CCDC177: variants seen among roughly 807,000 people sequenced by gnomAD.
CCDC177 encodes coiled-coil domain containing 177, also known as coiled-coil domain-containing protein 177.
CCDC177 carries 2 observed loss-of-function variants against 7.3 expected under a neutral mutation model. The ratio of observed to expected loss-of-function variants is 0.28; its 90% CI spans 0.11 to 0.87. CCDC177 has a LOEUF of 0.87. CCDC177 is among the 40% of genes least tolerant of loss of function. The pLI, the probability that CCDC177 is intolerant of heterozygous loss-of-function variation, is 0.61. For missense variants in CCDC177, 874 were observed against 970.5 expected, an observed-to-expected ratio of 0.90 and a Z score of 1.32; for synonymous variants, 401 against 449.2, an observed-to-expected ratio of 0.89 and a Z score of 1.36.
At position 69,573,007 on chromosome 14, in the gene CCDC177, G is replaced by C. The variant is rs1211782602; in HGVS notation, c.616C>G (p.Arg206Gly). ...GAGGAGGGACTAGGGGAAGCCTTGC[G>C]GGCCGCACGCGGCGCGGGCGAGGCC... ...LPASPAPRAA[R>G]KASPSPSSAR... is the part of the protein sequence containing the mutation. Residue 206 changes from arginine to glycine, a missense_variant, in exon 2 of 2, where the codon CGC becomes GGC. By Grantham distance (125) the Arg-to-Gly change is moderately radical. Coordinates refer to ENST00000599174, the MANE Select transcript of CCDC177 (RefSeq NM_001271507.2). The C allele has an allele frequency of 5.7e-6, 7 of 1,230,276 alleles. No individual in the cohort carries two copies. Among genetic ancestry groups the C allele is most frequent in the Non-Finnish European group, 7.1e-6 (7 of 987,326 alleles). 76.2% of individuals were successfully genotyped at this position (1,230,276 alleles called of 1,614,324 possible). A position where few individuals can be genotyped will look rare whatever the true frequency, so the allele number is the denominator to read the frequency against.
Position 69,570,712 on chromosome 14 carries a change from C to A in CCDC177, c.*787G>T, listed in dbSNP as rs968510585. ...GCTTAATGGAATGGAACACTGCTCCCAAAGGAATCCAGCCCCTCCAGGGGC... is the reference window on the plus strand; with the variant it reads ...GCTTAATGGAATGGAACACTGCTCCAAAAGGAATCCAGCCCCTCCAGGGGC... On this transcript the variant is annotated 3_prime_UTR_variant, in exon 2 of 2. Transcript: ENST00000599174. The A allele has an allele frequency of 2.4e-6, 1 of 417,860 alleles. No homozygotes were observed. The highest frequency in any genetic ancestry group is 4.7e-6 in the Non-Finnish European group (1 of 211,740). The allele number at this position is 417,860 out of a possible 1,614,324, so 25.9% of individuals were successfully genotyped here. A position where few individuals can be genotyped will look rare whatever the true frequency, so the allele number is the denominator to read the frequency against.
In CCDC177 at chr14:69,572,671, C is replaced by G. The variant is rs1301605621; in HGVS notation, c.952G>C (p.Val318Leu). 1.6e-6 allele frequency: 2 copies of G among 1,231,248 alleles called. No homozygotes were observed. Among genetic ancestry groups the G allele is most frequent in the Non-Finnish European group, 2.0e-6 (2 of 987,678 alleles). The allele number at this position is 1,231,248 out of a possible 1,614,324, so 76.3% of individuals were successfully genotyped here. A position where few individuals can be genotyped will look rare whatever the true frequency, so the allele number is the denominator to read the frequency against. ...LSHSPQTAQH[V>L]ERIVRQVRAE... ...CGCACTTGACGCACGATGCGCTCCA[C>G]GTGCTGAGCGGTCTGCGGCGAATGG... is the stretch of plus-strand genomic sequence containing the variant. The change falls in exon 2 of 2, where the codon GTG (valine) becomes CTG (leucine). Residue 318 changes from valine (V) to leucine (L), a missense_variant. By Grantham distance (32) the Val-to-Leu change is conservative. Coordinates refer to ENST00000599174, the MANE Select transcript of CCDC177 (RefSeq NM_001271507.2).
rs778579275 is a variant in CCDC177, at chr14:69,571,040, A to C, written c.*459T>G. The C allele has an allele frequency of 2.1e-5, 10 of 465,612 alleles. No homozygotes were observed. The highest frequency in any genetic ancestry group is 3.9e-5 in the Non-Finnish European group (9 of 232,884). The allele number at this position is 465,612 out of a possible 1,614,324, so 28.8% of individuals were successfully genotyped here. On this transcript the variant is annotated 3_prime_UTR_variant, in exon 2 of 2. Coordinates refer to ENST00000599174, the MANE Select transcript of CCDC177 (RefSeq NM_001271507.2). ...ATTTGTGCAGCTTGCCATATTTTGA[A>C]AGATGGAGGTGAGCCAGGGTGATGT...
chr14:69,571,942 G>A lies in CCDC177; in HGVS notation c.1681C>T (p.Arg561Trp), dbSNP rs949436516. 2 of 1,232,220 alleles carry A rather than the reference G, an allele frequency of 1.6e-6. No homozygotes were observed. Among genetic ancestry groups the A allele is most frequent in the African/African-American group, 1.5e-5 (1 of 64,518 alleles). 76.3% of individuals were successfully genotyped at this position (1,232,220 alleles called of 1,614,324 possible). A position where few individuals can be genotyped will look rare whatever the true frequency, so the allele number is the denominator to read the frequency against. The change falls in exon 2 of 2, where the codon CGG (arginine) becomes TGG (tryptophan). Residue 561 changes from arginine (R) to tryptophan (W), a missense_variant. Physicochemically the swap from Arg to Trp is moderately radical, Grantham distance 101 (BLOSUM62 -3). Coordinates refer to ENST00000599174, the MANE Select transcript of CCDC177 (RefSeq NM_001271507.2). ...CGCCGACCCTGCAGCTCCTCTCGCC[G>A]GGCCCGCTCCCGCAGCTCCCGGGTG... ...QRTRELRERA[R>W]REELQGRRAK...
At position 69,572,206 on chromosome 14, in the gene CCDC177, C is replaced by G; in HGVS notation, c.1417G>C (p.Glu473Gln). Reference sequence around the variant, plus strand: ...TCCCTGCGGATCTGCTCAGCCCGCTCCCGCCCTTCCTGTAGACCTTCCTCA... The same window carrying G: ...TCCCTGCGGATCTGCTCAGCCCGCTGCCGCCCTTCCTGTAGACCTTCCTCA... ...QREEGLQEGRERAEQIRRERA... is the reference protein window; with the variant it reads ...QREEGLQEGRQRAEQIRRERA... Residue 473 changes from glutamate (E) to glutamine (Q), a missense_variant, in exon 2 of 2, where the codon GAG (glutamate) becomes CAG (glutamine). Coordinates refer to ENST00000599174, the MANE Select transcript of CCDC177 (RefSeq NM_001271507.2). The G allele has an allele frequency of 8.9e-6, 11 of 1,229,916 alleles. No individual in the cohort carries two copies. The highest frequency in any genetic ancestry group is 1.1e-5 in the Non-Finnish European group (11 of 986,778). 76.2% of individuals were successfully genotyped at this position (1,229,916 alleles called of 1,614,324 possible). A position where few individuals can be genotyped will look rare whatever the true frequency, so the allele number is the denominator to read the frequency against.
At position 69,571,964 on chromosome 14, in the gene CCDC177, G is replaced by C. The variant is rs1432339646; in HGVS notation, c.1659C>G (p.Thr553=). ...ENYEHLVEQR[T]RELRERARRE... ...GCCGGGCCCGCTCCCGCAGCTCCCG[G>C]GTGCGCTGCTCCACCAAATGCTCGT... The change falls in exon 2 of 2, where the codon ACC becomes ACG. Residue 553 remains threonine (T), a synonymous_variant. Transcript: ENST00000599174. 8.1e-7 allele frequency: 1 copy of C among 1,231,492 alleles called. No homozygotes were observed. Among genetic ancestry groups the C allele is most frequent in the African/African-American group, 1.6e-5 (1 of 64,240 alleles). 76.3% of individuals were successfully genotyped at this position (1,231,492 alleles called of 1,614,324 possible).
rs1015879601 is a variant in CCDC177 at position 69,572,768 on chromosome 14, G to A, written c.855C>T (p.Asn285=). 7 of 1,230,328 alleles carry A rather than the reference G, an allele frequency of 5.7e-6. No individual in the cohort carries two copies. The African/African-American group carries it at 7.8e-5, about 14-fold the overall frequency. 76.2% of individuals were successfully genotyped at this position (1,230,328 alleles called of 1,614,324 possible). The part of the protein sequence containing the change: ...CPAGSASSTT[N]APGRPSALTL... Reference sequence around the variant, plus strand: ...TCAGGGCAGACGGGCGGCCCGGAGCGTTGGTGGTGGAGGACGCCGACCCCG... The same window carrying A: ...TCAGGGCAGACGGGCGGCCCGGAGCATTGGTGGTGGAGGACGCCGACCCCG... Residue 285 remains asparagine (N), a synonymous_variant, in exon 2 of 2, where the codon AAC becomes AAT. Transcript: ENST00000599174.
In CCDC177 at chr14:69,571,084, A is replaced by G; in HGVS notation, c.*415T>C. ...GTGATGTTCCCTCAGCAGTAGCAAC[A>G]CTGTCTCAGACACCAATGTCGAACA... On this transcript the variant is annotated 3_prime_UTR_variant, in exon 2 of 2. Coordinates refer to ENST00000599174, the MANE Select transcript of CCDC177 (RefSeq NM_001271507.2). The G allele has an allele frequency of 2.1e-6, 1 of 471,890 alleles. No individual in the cohort carries two copies. Among genetic ancestry groups the G allele is most frequent in the Non-Finnish European group, 4.2e-6 (1 of 238,086 alleles). 29.2% of individuals were successfully genotyped at this position (471,890 alleles called of 1,614,324 possible).
chr14:69,572,487 C>A lies in CCDC177; in HGVS notation c.1136G>T (p.Arg379Leu). ...QRVHAKQRRE[R>L]EEREKQRALE... Reference sequence around the variant, plus strand: ...GGCGCGCTGCTTCTCCCGCTCCTCGCGCTCCCGCCGCTGCTTGGCGTGCAC... The same window carrying A: ...GGCGCGCTGCTTCTCCCGCTCCTCGAGCTCCCGCCGCTGCTTGGCGTGCAC... The change falls in exon 2 of 2, where the codon CGC (arginine) becomes CTC (leucine). Residue 379 changes from arginine to leucine, a missense_variant. Arg to Leu is a moderately radical substitution (Grantham distance 102). Transcript: ENST00000599174. The A allele has an allele frequency of 8.1e-7, 1 of 1,230,738 alleles. No homozygotes were observed. The highest frequency in any genetic ancestry group is 4.1e-5 in the South Asian group (1 of 24,316). The allele number at this position is 1,230,738 out of a possible 1,614,324, so 76.2% of individuals were successfully genotyped here.
intron 1 of CCDC177, among the ~76,000 whole-genome samples, chr14:69,574,007 G>A (rs1884388130): frequency 6.6e-6 from 1 of 152,220 alleles, no homozygotes; most frequent in African/African-American, 2.4e-5. Context: ...GGAGGCGCTG[G>A]AGGATTCCCG....
chr14:69,574,358 G>A (rs879601077), intron 1 of CCDC177, among the ~76,000 whole-genome samples, 184 bp downstream of exon 1: 1 of 152,166 alleles, frequency 6.6e-6, no homozygotes, highest in Non-Finnish European at 1.5e-5. Flanking sequence ...ACTCTCAGAC[G>A]CACCGGATCT....
Position 69,573,046 on chromosome 14 carries a change from T to TGCTGCA in CCDC177, c.571_576dup (p.Cys191_Ser192dup), listed in dbSNP as rs1884366958. On this transcript the variant is annotated inframe_insertion, in exon 2 of 2. Coordinates refer to ENST00000599174, the MANE Select transcript of CCDC177 (RefSeq NM_001271507.2). ...GCGGGCGAGGCCGGGAGGCTGGCGC[T>TGCTGCA]GCTGCAGCTGCTGCTGCTGCCCGCG... 8.2e-7 allele frequency: 1 copy of TGCTGCA among 1,223,464 alleles called. No homozygotes were observed. Among genetic ancestry groups the TGCTGCA allele is most frequent in the Admixed American group, 4.3e-5 (1 of 23,084 alleles). The allele number at this position is 1,223,464 out of a possible 1,614,324, so 75.8% of individuals were successfully genotyped here.
At position 69,573,175 on chromosome 14, in the gene CCDC177, C is replaced by A. The variant is rs1053045682; in HGVS notation, c.448G>T (p.Ala150Ser). 8.1e-7 allele frequency: 1 copy of A among 1,230,336 alleles called. No individual in the cohort carries two copies. The highest frequency in any genetic ancestry group is 1.0e-6 in the Non-Finnish European group (1 of 986,996). 76.2% of individuals were successfully genotyped at this position (1,230,336 alleles called of 1,614,324 possible). A position where few individuals can be genotyped will look rare whatever the true frequency, so the allele number is the denominator to read the frequency against. ...TCGCGCATGATGCGCTCGCGCTCGG[C>A]CCGGCATTGCTGCAGCTTGGCGCGC... Reference protein sequence around the residue: ...ERRAKLQQCRAERERIMREEK... With the variant: ...ERRAKLQQCRSERERIMREEK... The change falls in exon 2 of 2, where the codon GCC (alanine) becomes TCC (serine). Residue 150 changes from alanine to serine, a missense_variant. Transcript: ENST00000599174.
chr14:69,573,479 CGCGGAG>C lies in CCDC177; in HGVS notation c.138_143del (p.Ser47_Ala48del). ...GGACTTCTGCCTTGCGGGGCACCGC[CGCGGAG>C]GCCGAGGCCGAGGCCGAGGAAGCTG... On this transcript the variant is annotated inframe_deletion, in exon 2 of 2. Transcript: ENST00000599174. 8.1e-7 allele frequency: 1 copy of C among 1,230,768 alleles called. No individual in the cohort carries two copies. The highest frequency in any genetic ancestry group is 1.0e-6 in the Non-Finnish European group (1 of 987,396). The allele number at this position is 1,230,768 out of a possible 1,614,324, so 76.2% of individuals were successfully genotyped here.
In CCDC177 at chr14:69,573,501, G is replaced by A. The variant is rs1425490307; in HGVS notation, c.122C>T (p.Ser41Leu). The A allele has an allele frequency of 4.9e-6, 6 of 1,231,120 alleles. No homozygotes were observed. The highest frequency in any genetic ancestry group is 4.1e-5 in the South Asian group (1 of 24,306). 76.3% of individuals were successfully genotyped at this position (1,231,120 alleles called of 1,614,324 possible). ...CGCCGCGGAGGCCGAGGCCGAGGCCGAGGAAGCTGCGGGCTCCTGTGCGCC... is the reference window on the plus strand; with the variant it reads ...CGCCGCGGAGGCCGAGGCCGAGGCCAAGGAAGCTGCGGGCTCCTGTGCGCC... ...SQGAQEPAASSASASASAAVP... is the reference protein window; with the variant it reads ...SQGAQEPAASLASASASAAVP... The change falls in exon 2 of 2, where the codon TCG becomes TTG. Residue 41 changes from serine (S) to leucine (L), a missense_variant. Physicochemically the swap from Ser to Leu is moderately radical, Grantham distance 145. Coordinates refer to ENST00000599174, the MANE Select transcript of CCDC177 (RefSeq NM_001271507.2).
chr14:69,574,180 C>T (rs1449899175), intron 1 of CCDC177, among the ~76,000 whole-genome samples: 1 of 152,164 alleles, frequency 6.6e-6, no homozygotes, highest in African/African-American at 2.4e-5. Context: ...TCGCAAGGCC[C>T]CCGGGTGATT....
In CCDC177 at chr14:69,572,230, C is replaced by G; in HGVS notation, c.1393G>C (p.Glu465Gln). Reference sequence around the variant, plus strand: ...TCCCGCCCTTCCTGTAGACCTTCCTCACGTTGCTTCAGGTTCTGCTCCTGC... The same window carrying G: ...TCCCGCCCTTCCTGTAGACCTTCCTGACGTTGCTTCAGGTTCTGCTCCTGC... ...LQQEQNLKQR[E>Q]EGLQEGRERA... Residue 465 changes from glutamate (E) to glutamine (Q), a missense_variant, in exon 2 of 2, where the codon GAG becomes CAG. Coordinates refer to ENST00000599174, the MANE Select transcript of CCDC177 (RefSeq NM_001271507.2). 8.1e-7 allele frequency: 1 copy of G among 1,229,638 alleles called. No homozygotes were observed. Among genetic ancestry groups the G allele is most frequent in the Non-Finnish European group, 1.0e-6 (1 of 986,662 alleles). 76.2% of individuals were successfully genotyped at this position (1,229,638 alleles called of 1,614,324 possible).
At position 69,570,476 on chromosome 14, in the gene CCDC177, G is replaced by C. The variant is rs968583333; in HGVS notation, c.*1023C>G. 3.9e-6 allele frequency: 1 copy of C among 255,014 alleles called. No individual in the cohort carries two copies. Among genetic ancestry groups the C allele is most frequent in the Middle Eastern group, 1.5e-3 (1 of 652 alleles). The allele number at this position is 255,014 out of a possible 1,614,324, so 15.8% of individuals were successfully genotyped here. A position where few individuals can be genotyped will look rare whatever the true frequency, so the allele number is the denominator to read the frequency against. ...CCAGCTCTTCGGCCACCACAGTAAA[G>C]CAGCCAAGGATACCCTAATTGTCCT... On this transcript the variant is annotated 3_prime_UTR_variant, in exon 2 of 2. Transcript: ENST00000599174.
Position 69,572,756 on chromosome 14 carries a change from G to A in CCDC177, c.867C>T (p.Arg289=). Residue 289 remains arginine (R), a synonymous_variant, in exon 2 of 2, where the codon CGC becomes CGT. Coordinates refer to ENST00000599174, the MANE Select transcript of CCDC177 (RefSeq NM_001271507.2). ...TCGGAACCAGGGTCAGGGCAGACGG[G>A]CGGCCCGGAGCGTTGGTGGTGGAGG... ...SASSTTNAPG[R]PSALTLVPIT... 8.1e-7 allele frequency: 1 copy of A among 1,231,546 alleles called. No individual in the cohort carries two copies. The highest frequency in any genetic ancestry group is 1.0e-6 in the Non-Finnish European group (1 of 987,816). 76.3% of individuals were successfully genotyped at this position (1,231,546 alleles called of 1,614,324 possible).
Sources: allele counts gnomAD v4.1 joint callset (sites outside exome capture counted in the v4.1 genomes callset), GRCh38; gene constraint gnomAD v4.1.1; transcripts MANE v1.5; gene names NCBI Gene and HGNC (gene_info 2026-07-23, HGNC 2026-07-21).